SGCD: variants seen among roughly 807,000 people sequenced by gnomAD.
SGCD encodes the protein sarcoglycan delta.
Under a neutral mutation model 36.6 loss-of-function variants are expected in SGCD, and 18 were observed. The ratio of observed to expected loss-of-function variants is 0.49; its 90% confidence interval spans 0.34 to 0.73. The LOEUF (loss-of-function observed/expected upper bound fraction) is 0.73. SGCD is among the 30% of genes least tolerant of loss of function. The probability of loss-of-function intolerance (pLI) is 0.01; values close to 1 mark genes in which losing one functional copy is unlikely to be tolerated. For synonymous variants in SGCD, 133 were observed against 130.6 expected (o/e 1.02, Z -0.12); for missense variants, 387 against 346.7 (o/e 1.12, Z -0.92).
intron 4 of SGCD, among the ~76,000 whole-genome samples, chr5:156,574,629 T>A (rs568268656): frequency 6.6e-6 from 1 of 152,272 alleles, no homozygotes; most frequent in African/African-American, 2.4e-5. Context: ...TTTGGGTTTT[T>A]TTTCCCTGTG....
In SGCD at chr5:156,565,705, C is replaced by A. The variant is rs188174522; in HGVS notation, c.295-23526C>A. Among the ~76,000 whole-genome samples, 333 of 152,090 alleles carry A rather than the reference C, an allele frequency of 2.2e-3. 1 individual carries two copies. The highest frequency in any genetic ancestry group is 6.9e-3 in the African/African-American group (286 of 41,494). ...ATGCTATCCCTCCCCTAGCCCCCCA[C>A]CCACCGACAGGACCCCGTGTGTGAT... On this transcript the variant is annotated intron_variant, in intron 4 of 8. Transcript: ENST00000337851.
At chr5:156,554,112 T>C (rs1758905762) in intron 4 of SGCD, among the ~76,000 whole-genome samples, 1 of 152,104 alleles carries the variant, frequency 6.6e-6, no homozygotes, top group Non-Finnish European at 1.5e-5. Flanking sequence ...TCCCAGCACT[T>C]TGGGAAGCCA....
intron 3 of SGCD, among the ~76,000 whole-genome samples, chr5:156,482,135 C>A (rs901407773): frequency 6.6e-6 from 1 of 152,062 alleles, no homozygotes; most frequent in Non-Finnish European, 1.5e-5. Context: ...GCATTTGAGC[C>A]AAGGCGGAAC....
At position 156,213,981 on chromosome 5, in the gene SGCD, A is replaced by T. The variant is rs111528541; in HGVS notation, c.-44+89962A>T. 1.1e-3 allele frequency among the ~76,000 whole-genome samples: 170 copies of T among 152,106 alleles called. 1 individual carries two copies. In the Middle Eastern group the frequency reaches 0.017, roughly 15 times the overall value. Reference sequence around the variant, plus strand: ...AACACAATGAAGGTTGTGCATGACAAACTGAAAGCTAACATCATTCTCAGT... The same window carrying T: ...AACACAATGAAGGTTGTGCATGACATACTGAAAGCTAACATCATTCTCAGT... On this transcript the variant is annotated intron_variant, in intron 3 of 9. Coordinates refer to the SGCD transcript ENST00000517913.
At chr5:156,148,022 C>T (rs1762745647) in intron 3 of SGCD, among the ~76,000 whole-genome samples, 4 of 152,196 alleles carry the variant, frequency 2.6e-5, no homozygotes, top group Non-Finnish European at 4.4e-5. Flanking sequence ...TTGCACTTTG[C>T]TAAAGCCTAT....
chr5:156,562,297 A>G (rs1487020453), intron 4 of SGCD, among the ~76,000 whole-genome samples: 1 of 152,210 alleles, frequency 6.6e-6, no homozygotes, highest in Non-Finnish European at 1.5e-5. Flanking sequence ...GGAAGGTTAT[A>G]GAATGGAGAG....
At chr5:156,097,994 A>G (rs1056693113) in intron 1 of SGCD, among the ~76,000 whole-genome samples, 2 of 152,194 alleles carry the variant, frequency 1.3e-5, no homozygotes, top group African/African-American at 4.8e-5. Flanking sequence ...GCCCCAGCTT[A>G]TACTGCCTGC....
At chr5:156,526,592 C>A (rs1273605648) in intron 4 of SGCD, among the ~76,000 whole-genome samples, 1 of 152,132 alleles carries the variant, frequency 6.6e-6, no homozygotes, top group African/African-American at 2.4e-5. Context: ...CTTTGCGTTT[C>A]TTTGCTCACA....
the SGCD span, among the ~76,000 whole-genome samples, chr5:155,790,220 A>C: frequency 1.3e-5 from 2 of 152,030 alleles, no homozygotes; most frequent in Non-Finnish European, 2.9e-5. Flanking sequence ...AAGATGGAAA[A>C]ATTTAATTAC....
the SGCD span, among the ~76,000 whole-genome samples, chr5:155,863,124 T>TGAAGCCA: frequency 2.0e-5 from 3 of 152,168 alleles, no homozygotes; most frequent in Non-Finnish European, 2.9e-5. Context: ...GCAGGGCAGC[T>TGAAGCCA]GAAGCCAGAA....
intron 3 of SGCD, among the ~76,000 whole-genome samples, chr5:156,369,609 A>G (rs1283454837): frequency 6.6e-6 from 1 of 152,226 alleles, no homozygotes; most frequent in Non-Finnish European, 1.5e-5. Context: ...ATCCAAGTCT[A>G]TTCCACTCAT....
rs145845039 is a variant in SGCD at position 156,679,495 on chromosome 5, G to A, written c.575+31959G>A. ...ACATACATGCACATGCCACCCTTGG[G>A]CAATGCACAGCTGTATGGAGCCCTG... On this transcript the variant is annotated intron_variant, in intron 7 of 8. Coordinates refer to ENST00000337851, the MANE Select transcript of SGCD (RefSeq NM_000337.6). 1.5e-3 allele frequency among the ~76,000 whole-genome samples: 234 copies of A among 152,226 alleles called. 1 individual carries two copies. The highest frequency in any genetic ancestry group is 5.4e-3 in the African/African-American group (223 of 41,536).
chr5:156,493,438 A>G (rs1016619383), intron 3 of SGCD, among the ~76,000 whole-genome samples: 1 of 152,182 alleles, frequency 6.6e-6, no homozygotes, highest in Non-Finnish European at 1.5e-5. Context: ...CACAGCCACT[A>G]TCCCAAATAA....
intron 6 of SGCD, among the ~76,000 whole-genome samples, chr5:156,629,878 TTA>T (rs1491266904): frequency 1.7e-4 from 25 of 148,434 alleles, no homozygotes; most frequent in Middle Eastern, 3.5e-3. Context: ...TTTTTTTTTT[TTA>T]GATGGAGTTT....
intron 6 of SGCD, among the ~76,000 whole-genome samples, chr5:156,597,374 C>A (rs1760969074): frequency 6.6e-6 from 1 of 152,084 alleles, no homozygotes; most frequent in South Asian, 2.1e-4. Context: ...TTCCAAATGG[C>A]TGGAGAGGCC....
chr5:156,032,759 C>T (rs1422579314), intron 1 of SGCD, among the ~76,000 whole-genome samples: 1 of 134,130 alleles, frequency 7.5e-6, no homozygotes, highest in African/African-American at 2.8e-5. Context: ...CCCAAATACA[C>T]CTAGCACCAG....
At chr5:156,564,813 C>A (rs1400205159) in intron 4 of SGCD, among the ~76,000 whole-genome samples, 3 of 152,126 alleles carry the variant, frequency 2.0e-5, no homozygotes, top group Non-Finnish European at 4.4e-5. Context: ...CATGATGTAG[C>A]ATGTGTCATA....
chr5:156,442,942 A>C (rs558975512), intron 3 of SGCD, among the ~76,000 whole-genome samples: 1 of 152,234 alleles, frequency 6.6e-6, no homozygotes, highest in East Asian at 1.9e-4. Context: ...CAAAAGAGGG[A>C]GTGGACCTAC....
chr5:156,762,042 C>T lies in SGCD; in HGVS notation c.*2652C>T, dbSNP rs1757508915. ...TTTCTCAATGTACATCTTTTTATCC[C>T]AACACCCTCAAACTAGAATATTTGT... On this transcript the variant is annotated 3_prime_UTR_variant, in exon 9 of 9. Transcript: ENST00000337851. 6.6e-6 allele frequency: 1 copy of T among 152,394 alleles called. No individual in the cohort carries two copies. Among genetic ancestry groups the T allele is most frequent in the South Asian group, 2.1e-4 (1 of 4,812 alleles). The allele number at this position is 152,394 out of a possible 1,614,324, so 9.4% of individuals were successfully genotyped here. A position where few individuals can be genotyped will look rare whatever the true frequency, so the allele number is the denominator to read the frequency against.
Sources: gnomAD v4.1 joint callset for allele counts (sites outside exome capture counted in the v4.1 genomes callset) on GRCh38, gnomAD v4.1.1 for gene constraint, MANE v1.5 for transcripts, NCBI Gene and HGNC (gene_info 2026-07-23, HGNC 2026-07-21) for gene names.